ZNF696: variants seen among roughly 807,000 people sequenced by gnomAD.
ZNF696 encodes zinc finger protein 696.
A neutral mutation model predicts 12.3 loss-of-function variants in ZNF696; 10 were observed. The ratio of observed to expected loss-of-function variants is 0.81; its 90% CI spans 0.50 to 1.38. The LOEUF (loss-of-function observed/expected upper bound fraction) is 1.38, where lower values mean the gene tolerates loss of function less well. Ranked by LOEUF, ZNF696 falls within the 40% of genes most tolerant of loss-of-function variation. The pLI is 0.00. For missense variants in ZNF696, 675 were observed against 554.7 expected (o/e 1.22, Z -2.18); for synonymous variants, 304 against 243.9 (o/e 1.25, Z -2.29).
intron 1 of ZNF696, 60 bp from the exon 2 acceptor site, chr8:143,292,912 C>G: frequency 6.8e-7 from 1 of 1,462,156 alleles, no homozygotes; most frequent in South Asian, 1.3e-5. Flanking sequence ...ACCTCACTGC[C>G]CCTGGCCCCT....
At position 143,296,696 on chromosome 8, in the gene ZNF696, C is replaced by A; in HGVS notation, c.1021C>A (p.Arg341=). ...RALSGFFRHQ[R]LHTGEKPFRC... is the part of the protein sequence containing the mutation. ...GCTGTCGGGCTTCTTCCGGCACCAG[C>A]GACTCCACACGGGCGAGAAGCCGTT... Residue 341 remains arginine (R), a synonymous_variant, in exon 3 of 3, where the codon CGA becomes AGA. Coordinates refer to ENST00000330143, the MANE Select transcript of ZNF696 (RefSeq NM_030895.3). 6.4e-7 allele frequency: 1 copy of A among 1,565,086 alleles called. No homozygotes were observed. Among genetic ancestry groups the A allele is most frequent in the Non-Finnish European group, 8.6e-7 (1 of 1,163,140 alleles).
chr8:143,299,534 T>C lies in ZNF696; in HGVS notation c.*2734T>C, dbSNP rs1295233643. On this transcript the variant is annotated 3_prime_UTR_variant, in exon 3 of 3. Transcript: ENST00000330143. ...GAGACTGAGGCAGGAGGATCTCGGCTTGGATCCTCAGACCAGGAGTTTGAG... is the reference window on the plus strand; with the variant it reads ...GAGACTGAGGCAGGAGGATCTCGGCCTGGATCCTCAGACCAGGAGTTTGAG... Among the ~76,000 whole-genome samples, 1 of 152,206 alleles carries C rather than the reference T, an allele frequency of 6.6e-6. No individual in the cohort carries two copies. Among genetic ancestry groups the C allele is most frequent in the Non-Finnish European group, 1.5e-5 (1 of 68,036 alleles).
chr8:143,295,529 T>C (rs2129736788), intron 2 of ZNF696: 1 of 700,408 alleles, frequency 1.4e-6, no homozygotes, highest in Non-Finnish European at 2.6e-6. Context: ...TGCAGGATTC[T>C]CGTCTACCTC....
chr8:143,294,324 C>T lies in ZNF696; in HGVS notation c.64+1259C>T, dbSNP rs1207704689. On this transcript the variant is annotated intron_variant, in intron 2 of 2. Coordinates refer to ENST00000330143, the MANE Select transcript of ZNF696 (RefSeq NM_030895.3). ...GGTTGCTCAGCCTGACCAGCGCCGC[C>T]GCCGCCCAGCCCACATGGGACGTGG... is the stretch of plus-strand genomic sequence containing the variant. 4.6e-5 allele frequency among the ~76,000 whole-genome samples: 7 copies of T among 152,170 alleles called. 1 individual carries two copies. The highest frequency in any genetic ancestry group is 2.6e-4 in the Admixed American group (4 of 15,278).
At chr8:143,292,365 CCTTT>C (rs1682207846) in intron 1 of ZNF696, 1 of 151,576 alleles carries the variant, frequency 6.6e-6, no homozygotes. Flanking sequence ...AATTTTCCTT[CCTTT>C]CTCATTAATA....
rs1419070018 is a variant in ZNF696, at chr8:143,296,541, G to A, written c.866G>A (p.Gly289Glu). 6.2e-7 allele frequency: 1 copy of A among 1,603,798 alleles called. No homozygotes were observed. The highest frequency in any genetic ancestry group is 8.5e-7 in the Non-Finnish European group (1 of 1,178,444). ...NLLQHQRVHTGERPFACQDCG... is the reference protein window; with the variant it reads ...NLLQHQRVHTEERPFACQDCG... Reference sequence around the variant, plus strand: ...CTCCAGCACCAGCGCGTGCACACGGGGGAGCGGCCCTTCGCCTGCCAGGAC... The same window carrying A: ...CTCCAGCACCAGCGCGTGCACACGGAGGAGCGGCCCTTCGCCTGCCAGGAC... The change falls in exon 3 of 3, where the codon GGG becomes GAG. Residue 289 changes from glycine (G) to glutamate (E), a missense_variant. By Grantham distance (98) the Gly-to-Glu change is moderately conservative (BLOSUM62 -2). Transcript: ENST00000330143.
At chr8:143,293,431 T>G (rs1815658063) in intron 2 of ZNF696, 1 of 388,506 alleles carries the variant, frequency 2.6e-6, no homozygotes, top group Admixed American at 4.2e-5. Flanking sequence ...CTCTGCCCAC[T>G]TGGTGTCAGT....
chr8:143,295,986 C>G lies in ZNF696; in HGVS notation c.311C>G (p.Ser104Ter). The G allele has an allele frequency of 6.3e-7, 1 of 1,589,492 alleles. No individual in the cohort carries two copies. The highest frequency in any genetic ancestry group is 8.6e-7 in the Non-Finnish European group (1 of 1,167,498). Residue 104 changes from serine (S) to a stop codon, truncating the protein, a stop_gained, in exon 3 of 3, where the codon TCA (serine) becomes TGA (stop). Transcript: ENST00000330143. LOFTEE classifies it low-confidence loss of function (END_TRUNC). ...EKTGGQSGLE[S>*]DVPPNAGPGA... ...ACTGGAGGACAGAGTGGCCTCGAGT[C>G]AGACGTCCCTCCGAACGCAGGCCCC...
rs1815624019 is a variant in ZNF696 at position 143,291,519 on chromosome 8, T to A, written c.-279T>A. 1.0e-6 allele frequency: 1 copy of A among 984,294 alleles called. No homozygotes were observed. Among genetic ancestry groups the A allele is most frequent in the African/African-American group, 1.7e-5 (1 of 57,204 alleles). The allele number at this position is 984,294 out of a possible 1,614,324, so 61.0% of individuals were successfully genotyped here. The stretch of plus-strand genomic sequence containing the variant: ...GGGCGCGGCCGAGAGAACGGGGCGG[T>A]CACCGCCGCCGTGGCCCGCGCGTCC... On this transcript the variant is annotated 5_prime_UTR_variant, in exon 1 of 3. Transcript: ENST00000330143.
At position 143,299,490 on chromosome 8, in the gene ZNF696, T is replaced by C. The variant is rs1815768345; in HGVS notation, c.*2690T>C. Reference sequence around the variant, plus strand: ...AAGAATAAAACACTGTGATTTAAAATGTAGTCCCAGCTGCTTGGGAGACTG... The same window carrying C: ...AAGAATAAAACACTGTGATTTAAAACGTAGTCCCAGCTGCTTGGGAGACTG... On this transcript the variant is annotated 3_prime_UTR_variant, in exon 3 of 3. Coordinates refer to ENST00000330143, the MANE Select transcript of ZNF696 (RefSeq NM_030895.3). Among the ~76,000 whole-genome samples the C allele has an allele frequency of 1.3e-5, 2 of 151,436 alleles. No individual in the cohort carries two copies. Among genetic ancestry groups the C allele is most frequent in the Non-Finnish European group, 2.9e-5 (2 of 68,048 alleles).
chr8:143,294,601 C>T (rs1167575574), intron 2 of ZNF696, among the ~76,000 whole-genome samples: 1 of 151,982 alleles, frequency 6.6e-6, no homozygotes, highest in Non-Finnish European at 1.5e-5. Flanking sequence ...CTCTTGACCT[C>T]GTGAACTGCC....
rs921765398 is a variant in ZNF696 at position 143,293,820 on chromosome 8, G to A, written c.64+755G>A. Among the ~76,000 whole-genome samples the A allele has an allele frequency of 1.2e-4, 18 of 152,352 alleles. No individual in the cohort carries two copies. In the East Asian group the frequency reaches 2.5e-3, roughly 21 times the overall value. On this transcript the variant is annotated intron_variant, in intron 2 of 2. Transcript: ENST00000330143. ...CCAAGGGGCTTCTGTTCTGCAGGCC[G>A]CCCTGAGCGCCTCCCGCCCCCTGGC...
chr8:143,293,883 G>C (rs1815665235), intron 2 of ZNF696, among the ~76,000 whole-genome samples: 1 of 152,220 alleles, frequency 6.6e-6, no homozygotes, highest in South Asian at 2.1e-4. Context: ...AGAGAGAGGT[G>C]GGGACTGTCG....
chr8:143,295,981 C>A lies in ZNF696; in HGVS notation c.306C>A (p.Leu102=). The A allele has an allele frequency of 6.3e-7, 1 of 1,586,600 alleles. No homozygotes were observed. Among genetic ancestry groups the A allele is most frequent in the Non-Finnish European group, 8.6e-7 (1 of 1,166,030 alleles). Residue 102 remains leucine, a synonymous_variant, in exon 3 of 3, where the codon CTC becomes CTA. Coordinates refer to ENST00000330143, the MANE Select transcript of ZNF696 (RefSeq NM_030895.3). ...TSEKTGGQSG[L]ESDVPPNAGP... is the part of the protein sequence containing the mutation. ...AGAAAACTGGAGGACAGAGTGGCCT[C>A]GAGTCAGACGTCCCTCCGAACGCAG...
In ZNF696 at chr8:143,296,012, G is replaced by A. The variant is rs760815415; in HGVS notation, c.337G>A (p.Gly113Ser). 2.5e-6 allele frequency: 4 copies of A among 1,595,182 alleles called. No homozygotes were observed. The highest frequency in any genetic ancestry group is 1.3e-5 in the African/African-American group (1 of 74,662). ...ESDVPPNAGP[G>S]AEGGGSWKGR... ...AGACGTCCCTCCGAACGCAGGCCCC[G>A]GCGCAGAGGGCGGGGGCAGCTGGAA... Residue 113 changes from glycine to serine, a missense_variant, in exon 3 of 3, where the codon GGC becomes AGC. Physicochemically the swap from Gly to Ser is moderately conservative, Grantham distance 56. Transcript: ENST00000330143.
chr8:143,298,899 G>C lies in ZNF696; in HGVS notation c.*2099G>C, dbSNP rs569252845. Among the ~76,000 whole-genome samples, 7 of 152,136 alleles carry C rather than the reference G, an allele frequency of 4.6e-5. 1 individual carries two copies. Among genetic ancestry groups the C allele is most frequent in the Admixed American group, 4.6e-4 (7 of 15,270 alleles). The stretch of plus-strand genomic sequence containing the variant: ...CATAGGGCTGGGCACGGTGGCTCAC[G>C]CCTGTAATTCCAGCACTTTGGGAGG... On this transcript the variant is annotated 3_prime_UTR_variant, in exon 3 of 3. Coordinates refer to ENST00000330143, the MANE Select transcript of ZNF696 (RefSeq NM_030895.3).
rs2129739184 is a variant in ZNF696, at chr8:143,296,110, C to T, written c.435C>T (p.Ser145=). 1.2e-6 allele frequency: 2 copies of T among 1,608,546 alleles called. No homozygotes were observed. Among genetic ancestry groups the T allele is most frequent in the Non-Finnish European group, 1.7e-6 (2 of 1,177,732 alleles). The part of the protein sequence containing the change: ...KCSSDAAKHR[S]IHSGEKPYEC... ...CCTCGGACGCGGCAAAGCACCGGAG[C>T]ATCCACTCGGGGGAGAAACCGTACG... Residue 145 remains serine, a synonymous_variant, in exon 3 of 3, where the codon AGC becomes AGT. Coordinates refer to ENST00000330143, the MANE Select transcript of ZNF696 (RefSeq NM_030895.3).
intron 2 of ZNF696, among the ~76,000 whole-genome samples, chr8:143,295,045 G>A (rs1471538757): frequency 2.0e-5 from 3 of 152,210 alleles, no homozygotes; most frequent in Admixed American, 6.5e-5. Flanking sequence ...TGGTACCACT[G>A]CACTCCAGCC....
chr8:143,296,184 G>A lies in ZNF696; in HGVS notation c.509G>A (p.Arg170Gln), dbSNP rs142905790. 2.5e-4 allele frequency: 394 copies of A among 1,599,796 alleles called. 1 individual carries two copies. The highest frequency in any genetic ancestry group is 5.1e-4 in the Admixed American group (30 of 58,726). Residue 170 changes from arginine to glutamine, a missense_variant, in exon 3 of 3, where the codon CGG becomes CAG. Arg to Gln is a conservative substitution (Grantham distance 43). Transcript: ENST00000330143. Reference sequence around the variant, plus strand: ...TTCATCCACAGCTCGCACGTGGTCCGGCACCAGCGGGCGCACAGCGGGGAG... The same window carrying A: ...TTCATCCACAGCTCGCACGTGGTCCAGCACCAGCGGGCGCACAGCGGGGAG... Reference protein sequence around the residue: ...KAFIHSSHVVRHQRAHSGERP... With the variant: ...KAFIHSSHVVQHQRAHSGERP...
Sources: allele counts gnomAD v4.1 joint callset (sites outside exome capture counted in the v4.1 genomes callset), GRCh38; gene constraint gnomAD v4.1.1; transcripts MANE v1.5; gene names NCBI Gene and HGNC (gene_info 2026-07-23, HGNC 2026-07-21).